PDGFRL: variants seen among roughly 807,000 people sequenced by gnomAD.
PDGFRL encodes platelet derived growth factor receptor like.
In PDGFRL, 46 loss-of-function variants were observed where a neutral mutation model predicts 37.2. The observed-to-expected ratio is 1.24, with a 90% CI of 0.98 to 1.58. The LOEUF (loss-of-function observed/expected upper bound fraction) is 1.58, where lower values mean the gene tolerates loss of function less well. Ranked by LOEUF, PDGFRL falls within the 40% of genes most tolerant of loss-of-function variation. PDGFRL has a pLI of 0.00. For synonymous variants in PDGFRL, 251 were observed against 184.3 expected, an observed-to-expected ratio of 1.36 and a Z score of -2.93; for missense variants, 692 against 467.6, an observed-to-expected ratio of 1.48 and a Z score of -4.43.
In PDGFRL at chr8:17,633,923, A is replaced by C. The variant is rs1804913295; in HGVS notation, c.800-151A>C. On this transcript the variant is annotated intron_variant, in intron 4 of 5. Transcript: ENST00000251630. ...AAAGGTGGCTTCAAAGGAAGCCCCA[A>C]GTTGTGGGCTCACACTGTCCTCGCA... The C allele has an allele frequency of 1.3e-5, 10 of 798,068 alleles. No homozygotes were observed. In the South Asian group the frequency reaches 1.4e-4, roughly 11 times the overall value. 49.4% of individuals were successfully genotyped at this position (798,068 alleles called of 1,614,324 possible).
In PDGFRL at chr8:17,594,264, G is replaced by A. The variant is rs1045083245; in HGVS notation, c.353+4499G>A. Reference sequence around the variant, plus strand: ...ATATATTACATTTTATTTTTGAGACGGAGTCTTGCTCTGTCACCCAGGCTG... The same window carrying A: ...ATATATTACATTTTATTTTTGAGACAGAGTCTTGCTCTGTCACCCAGGCTG... On this transcript the variant is annotated intron_variant, in intron 2 of 5. Coordinates refer to ENST00000251630, the MANE Select transcript of PDGFRL (RefSeq NM_001372073.1). 3.1e-4 allele frequency among the ~76,000 whole-genome samples: 47 copies of A among 152,032 alleles called. 1 individual carries two copies. Among genetic ancestry groups the A allele is most frequent in the Non-Finnish European group, 1.0e-4 (7 of 68,012 alleles).
At chr8:17,596,493 C>A (rs1033947299) in intron 2 of PDGFRL, 1 of 380,540 alleles carries the variant, frequency 2.6e-6, no homozygotes. Flanking sequence ...TCTTTGACTT[C>A]CTACACAAAG....
In PDGFRL at chr8:17,642,593, T is replaced by C. The variant is rs376412478; in HGVS notation, c.940-20T>C. 77 of 1,541,884 alleles carry C rather than the reference T, an allele frequency of 5.0e-5. No homozygotes were observed. Among genetic ancestry groups the C allele is most frequent in the Non-Finnish European group, 6.9e-5 (77 of 1,114,894 alleles). Reference sequence around the variant, plus strand: ...CAGCTTGTCCCTCTTGCTTCAGTCTTTGTGGGTGTCGTTAAACAGGATGAA... The same window carrying C: ...CAGCTTGTCCCTCTTGCTTCAGTCTCTGTGGGTGTCGTTAAACAGGATGAA... On this transcript the variant is annotated intron_variant, in intron 5 of 5. Transcript: ENST00000251630.
intron 1 of PDGFRL, among the ~76,000 whole-genome samples, chr8:17,589,154 G>A (rs1803877514): frequency 6.6e-6 from 1 of 152,132 alleles, no homozygotes; most frequent in African/African-American, 2.4e-5. Context: ...AAGGCAGGTG[G>A]ATCACCTGAG....
chr8:17,642,882 T>C lies in PDGFRL; in HGVS notation c.*81T>C, dbSNP rs1420643815. The C allele has an allele frequency of 3.4e-6, 3 of 875,356 alleles. No individual in the cohort carries two copies. The highest frequency in any genetic ancestry group is 5.5e-6 in the Non-Finnish European group (3 of 543,422). 54.2% of individuals were successfully genotyped at this position (875,356 alleles called of 1,614,324 possible). ...CTTTGGGGTTCCTTTTATTAGTGCT[T>C]TGCCAGAGGCTGATGTCAAGCACCA... On this transcript the variant is annotated 3_prime_UTR_variant, in exon 6 of 6. Coordinates refer to ENST00000251630, the MANE Select transcript of PDGFRL (RefSeq NM_001372073.1).
chr8:17,615,516 T>C (rs1198334358), intron 2 of PDGFRL, among the ~76,000 whole-genome samples: 1 of 152,194 alleles, frequency 6.6e-6, no homozygotes, highest in African/African-American at 2.4e-5. Flanking sequence ...CTTGGACAAG[T>C]TGCTTCTCTA....
At chr8:17,592,021 C>T (rs1803951374) in intron 2 of PDGFRL, among the ~76,000 whole-genome samples, 1 of 152,172 alleles carries the variant, frequency 6.6e-6, no homozygotes, top group African/African-American at 2.4e-5. Flanking sequence ...AGAAATTCAT[C>T]TCCCTCAAGG....
intron 1 of PDGFRL, among the ~76,000 whole-genome samples, chr8:17,584,417 A>G (rs1803772239): frequency 6.6e-6 from 1 of 151,092 alleles, no homozygotes; most frequent in African/African-American, 2.4e-5. Flanking sequence ...GACAGGAGCT[A>G]GGGCAGCTTT....
intron 2 of PDGFRL, among the ~76,000 whole-genome samples, chr8:17,615,905 A>G (rs1241375567): frequency 2.0e-5 from 3 of 152,210 alleles, no homozygotes; most frequent in Admixed American, 6.5e-5. Flanking sequence ...GCGAGACCCT[A>G]TCTCTAAACG....
intron 2 of PDGFRL, among the ~76,000 whole-genome samples, chr8:17,594,488 GC>G (rs1485257602): frequency 6.6e-6 from 1 of 152,036 alleles, no homozygotes; most frequent in Non-Finnish European, 1.5e-5. Flanking sequence ...TGATCTGTCT[GC>G]CTCAGCCTCC....
intron 5 of PDGFRL, among the ~76,000 whole-genome samples, chr8:17,640,115 C>T (rs1260647162): frequency 6.6e-6 from 1 of 152,180 alleles, no homozygotes; most frequent in Non-Finnish European, 1.5e-5. Flanking sequence ...GTGTGTTCTT[C>T]ATTTCCAGAA....
chr8:17,609,860 T>C (rs1489739405), intron 2 of PDGFRL, among the ~76,000 whole-genome samples: 10 of 152,252 alleles, frequency 6.6e-5, no homozygotes, highest in East Asian at 3.9e-4. Context: ...CCAAGATCTC[T>C]GTAGTCTCTA....
At chr8:17,626,340 G>A (rs184550042) in intron 3 of PDGFRL, among the ~76,000 whole-genome samples, 5 of 152,310 alleles carry the variant, frequency 3.3e-5, no homozygotes, top group African/African-American at 1.2e-4. Context: ...TTCTTATGAA[G>A]TTGCACAGAC....
intron 2 of PDGFRL, among the ~76,000 whole-genome samples, chr8:17,594,702 G>C (rs546426054): frequency 1.1e-4 from 17 of 151,996 alleles, no homozygotes; most frequent in Admixed American, 2.0e-4. Flanking sequence ...TTACAGGCAC[G>C]TGCCACCATG....
chr8:17,590,837 T>C (rs1296524837), intron 2 of PDGFRL, among the ~76,000 whole-genome samples: 2 of 152,060 alleles, frequency 1.3e-5, no homozygotes, highest in Non-Finnish European at 2.9e-5. Context: ...CTTGACCAGA[T>C]ATCAACTTCA....
intron 5 of PDGFRL, among the ~76,000 whole-genome samples, chr8:17,642,252 G>C (rs1221737628): frequency 6.6e-6 from 1 of 152,206 alleles, no homozygotes; most frequent in Non-Finnish European, 1.5e-5. Context: ...GGAAAAGAAA[G>C]TGGGCAATGT....
At chr8:17,642,219 T>G (rs1198058065) in intron 5 of PDGFRL, among the ~76,000 whole-genome samples, 1 of 152,196 alleles carries the variant, frequency 6.6e-6, no homozygotes, top group African/African-American at 2.4e-5. Flanking sequence ...CTTTCAGTTC[T>G]GTAGGTAAGA....
At chr8:17,625,306 A>G (rs1370613608) in intron 3 of PDGFRL, among the ~76,000 whole-genome samples, 1 of 152,102 alleles carries the variant, frequency 6.6e-6, no homozygotes, top group Non-Finnish European at 1.5e-5. Context: ...CATGCGCCAC[A>G]GTGCCCAACG....
Position 17,642,783 on chromosome 8 carries a change from C to T in PDGFRL, c.1110C>T (p.Thr370=), listed in dbSNP as rs755695791. ...QNLQGQTTVA[T]TVEFS is the part of the protein sequence containing the mutation. ...TTCAAGGACAGACCACAGTAGCTACCACTGTTGAGTTTTCCTGACTTGGAA... is the reference window on the plus strand; with the variant it reads ...TTCAAGGACAGACCACAGTAGCTACTACTGTTGAGTTTTCCTGACTTGGAA... Residue 370 remains threonine (T), a synonymous_variant, in exon 6 of 6, where the codon ACC becomes ACT. Transcript: ENST00000251630. 10 of 1,603,270 alleles carry T rather than the reference C, an allele frequency of 6.2e-6. No individual in the cohort carries two copies. Among genetic ancestry groups the T allele is most frequent in the Non-Finnish European group, 8.5e-6 (10 of 1,170,880 alleles).
Sources: gnomAD v4.1 joint callset for allele counts (sites outside exome capture counted in the v4.1 genomes callset) on GRCh38, gnomAD v4.1.1 for gene constraint, MANE v1.5 for transcripts, NCBI Gene and HGNC (gene_info 2026-07-23, HGNC 2026-07-21) for gene names.